The following VPS35L variants were observed in gnomAD, a reference collection of about 807,000 sequenced individuals.
VPS35L encodes the protein VPS35 endosomal protein sorting factor like.
VPS35L carries 83 observed loss-of-function variants against 133.0 expected under a neutral mutation model. That is an observed-to-expected ratio of 0.62 (90% confidence interval 0.52 to 0.75). The LOEUF (loss-of-function observed/expected upper bound fraction) is 0.75, where lower values mean the gene tolerates loss of function less well. Ranked by LOEUF, VPS35L falls within the 30% of genes least tolerant of loss-of-function variation. The probability of loss-of-function intolerance (pLI) is 0.00; values close to 1 mark genes in which losing one functional copy is unlikely to be tolerated. For missense variants in VPS35L, 1,083 were observed against 1,206.8 expected, an observed-to-expected ratio of 0.90 and a Z score of 1.52; for synonymous variants, 423 against 449.9, an observed-to-expected ratio of 0.94 and a Z score of 0.76.
intron 2 of VPS35L, among the ~76,000 whole-genome samples, chr16:19,567,655 G>A (rs1352272853): frequency 2.0e-5 from 3 of 151,994 alleles, no homozygotes; most frequent in Non-Finnish European, 4.4e-5. Context: ...GACTCGACAG[G>A]TTTGAGGGCA....
At chr16:19,682,505 T>C in intron 28 of VPS35L, 115 bp downstream of exon 28, 5 of 1,177,740 alleles carry the variant, frequency 4.2e-6, no homozygotes, top group African/African-American at 3.1e-5. Flanking sequence ...TTCCATGAAC[T>C]TCTAGTCCAG....
chr16:19,555,949 C>T (rs557351867), intron 1 of VPS35L, among the ~76,000 whole-genome samples: 1 of 152,298 alleles, frequency 6.6e-6, no homozygotes, highest in African/African-American at 2.4e-5. Context: ...GTTCTTGGTT[C>T]TCTCCCCGTC....
At chr16:19,591,648 T>A (rs1373677532) in intron 7 of VPS35L, 142 bp from the exon 8 acceptor site, 7 of 584,158 alleles carry the variant, frequency 1.2e-5, no homozygotes, top group Non-Finnish European at 2.1e-5. Flanking sequence ...CTTGTCATTG[T>A]ATGCTCAGCA....
At chr16:19,622,674 T>C (rs1481672036) in intron 14 of VPS35L, among the ~76,000 whole-genome samples, 15 of 152,194 alleles carry the variant, frequency 9.9e-5, no homozygotes, top group Non-Finnish European at 2.2e-4. Flanking sequence ...AATGATTATT[T>C]CTGTGTGTCA....
intron 17 of VPS35L, among the ~76,000 whole-genome samples, chr16:19,629,003 G>C (rs563804502): frequency 8.9e-4 from 136 of 152,234 alleles, no homozygotes; most frequent in African/African-American, 3.0e-3. Flanking sequence ...TGTTGGTCAG[G>C]CTGTCTCAAA....
chr16:19,679,500 TTTATTTATTTATTTA>T (rs1489006683), intron 27 of VPS35L, among the ~76,000 whole-genome samples: 31 of 145,130 alleles, frequency 2.1e-4, no homozygotes, highest in African/African-American at 7.3e-4. Flanking sequence ...TATTTATTTA[TTTATTTATTTATTTA>T]TTTTTTTGGA....
At chr16:19,664,438 C>A (rs1230148621) in intron 26 of VPS35L, among the ~76,000 whole-genome samples, 1 of 151,840 alleles carries the variant, frequency 6.6e-6, no homozygotes, top group Non-Finnish European at 1.5e-5. Flanking sequence ...AGTGAAGTCC[C>A]TTTTTCAAGA....
At chr16:19,567,175 A>G (rs1231881239) in intron 2 of VPS35L, among the ~76,000 whole-genome samples, 1 of 152,234 alleles carries the variant, frequency 6.6e-6, no homozygotes. Flanking sequence ...CAAACTTAAA[A>G]TAGGTAAGGA....
chr16:19,635,994 G>A (rs1179550433), intron 19 of VPS35L, among the ~76,000 whole-genome samples: 1 of 151,890 alleles, frequency 6.6e-6, no homozygotes, highest in African/African-American at 2.4e-5. Flanking sequence ...GACCAGCCTG[G>A]GCAACATGGC....
chr16:19,688,463 G>C (rs1412787672), intron 28 of VPS35L, among the ~76,000 whole-genome samples: 1 of 152,206 alleles, frequency 6.6e-6, no homozygotes, highest in East Asian at 1.9e-4. Flanking sequence ...GATTAGCCGT[G>C]TGCACTTGTG....
At chr16:19,574,588 T>C (rs1971476803) in intron 4 of VPS35L, among the ~76,000 whole-genome samples, 1 of 152,128 alleles carries the variant, frequency 6.6e-6, no homozygotes, top group Admixed American at 6.5e-5. Context: ...TGCTGGACTA[T>C]TTAAATTGAG....
At chr16:19,636,815 C>G (rs1464396939) in intron 19 of VPS35L, among the ~76,000 whole-genome samples, 1 of 152,162 alleles carries the variant, frequency 6.6e-6, no homozygotes, top group African/African-American at 2.4e-5. Flanking sequence ...GCCCTGTCAG[C>G]CTTTCAGTCT....
chr16:19,593,709 G>C (rs144918151), intron 8 of VPS35L, among the ~76,000 whole-genome samples: 46 of 152,088 alleles, frequency 3.0e-4, no homozygotes, highest in African/African-American at 1.0e-3. Flanking sequence ...CTGCAGTCAG[G>C]AGTTCAAGAC....
At chr16:19,629,465 C>T (rs978264817) in intron 17 of VPS35L, among the ~76,000 whole-genome samples, 1 of 151,744 alleles carries the variant, frequency 6.6e-6, no homozygotes, top group Non-Finnish European at 1.5e-5. Flanking sequence ...CATGATCATG[C>T]GTTCAGAACT....
At chr16:19,555,911 G>A (rs568225560) in intron 1 of VPS35L, among the ~76,000 whole-genome samples, 165 bp downstream of exon 1, 1 of 152,314 alleles carries the variant, frequency 6.6e-6, no homozygotes, top group South Asian at 2.1e-4. Flanking sequence ...CCGCGGTCCA[G>A]CGGAGCAATC....
chr16:19,677,033 A>G (rs555187081), intron 27 of VPS35L, among the ~76,000 whole-genome samples: 82 of 152,000 alleles, frequency 5.4e-4, no homozygotes, highest in Non-Finnish European at 1.1e-3. Context: ...GCAACATAGC[A>G]AGACCTCATC....
intron 19 of VPS35L, among the ~76,000 whole-genome samples, 184 bp from the exon 20 acceptor site, chr16:19,637,410 C>A (rs556984648): frequency 6.6e-6 from 1 of 152,170 alleles, no homozygotes; most frequent in East Asian, 1.9e-4. Context: ...AGAGCCTACC[C>A]TAAGCCCAGT....
chr16:19,603,794 C>T (rs1019134982), intron 9 of VPS35L, among the ~76,000 whole-genome samples: 3 of 152,164 alleles, frequency 2.0e-5, no homozygotes, highest in Admixed American at 1.3e-4. Flanking sequence ...GGCAATGACG[C>T]AATCTCAGCT....
At chr16:19,559,133 G>C (rs960261013) in intron 1 of VPS35L, among the ~76,000 whole-genome samples, 3 of 152,302 alleles carry the variant, frequency 2.0e-5, no homozygotes, top group African/African-American at 7.2e-5. Context: ...TCCAGTATAA[G>C]GAGATTAATT....
Sources: gnomAD v4.1 joint callset for allele counts (sites outside exome capture counted in the v4.1 genomes callset) on GRCh38, gnomAD v4.1.1 for gene constraint, MANE v1.5 for transcripts, NCBI Gene and HGNC (gene_info 2026-07-23, HGNC 2026-07-21) for gene names.